The following ACIN1 variants were observed in gnomAD, a reference collection of about 807,000 sequenced individuals.
The protein encoded by ACIN1 is apoptotic chromatin condensation inducer 1.
ACIN1 carries 16 observed loss-of-function variants against 146.6 expected under a neutral mutation model. That is an observed-to-expected ratio of 0.11 (90% CI 0.07 to 0.17). The LOEUF (loss-of-function observed/expected upper bound fraction) is 0.17, where lower values mean the gene tolerates loss of function less well. Ranked by LOEUF, ACIN1 falls within the 10% of genes least tolerant of loss-of-function variation. The pLI is 1.00. For missense variants in ACIN1, 1,357 were observed against 1,609.3 expected, an observed-to-expected ratio of 0.84 and a Z score of 2.68; for synonymous variants, 569 against 582.7, an observed-to-expected ratio of 0.98 and a Z score of 0.34.
intron 8 of ACIN1, among the ~76,000 whole-genome samples, chr14:23,074,130 G>A (rs1353538475): frequency 6.6e-6 from 1 of 151,724 alleles, no homozygotes; most frequent in Admixed American, 6.6e-5. Context: ...GAGCCATCAT[G>A]CCCGGCCGAA....
chr14:23,070,553 C>T (rs1338955111), intron 8 of ACIN1, among the ~76,000 whole-genome samples: 1 of 152,036 alleles, frequency 6.6e-6, no homozygotes, highest in Non-Finnish European at 1.5e-5. Flanking sequence ...GCAAAGAATC[C>T]CAGAGATTCA....
At chr14:23,093,405 T>C (rs771672668) in intron 2 of ACIN1, 74 bp downstream of exon 2, 6 of 1,433,192 alleles carry the variant, frequency 4.2e-6, no homozygotes, top group Non-Finnish European at 5.9e-6. Context: ...AAGCATCAAA[T>C]ATACAACACC....
At chr14:23,094,941 C>G in intron 1 of ACIN1, 34 bp downstream of exon 1, 1 of 1,556,130 alleles carries the variant, frequency 6.4e-7, no homozygotes. Context: ...CGGGTCCGCT[C>G]TCCTCCGACA....
chr14:23,058,737 TCAG>T lies in ACIN1; in HGVS notation c.*408_*410del, dbSNP rs2047173412. The T allele has an allele frequency of 4.8e-6, 1 of 206,380 alleles. No homozygotes were observed. Among genetic ancestry groups the T allele is most frequent in the Admixed American group, 5.1e-5 (1 of 19,482 alleles). 12.8% of individuals were successfully genotyped at this position (206,380 alleles called of 1,614,324 possible). A position where few individuals can be genotyped will look rare whatever the true frequency, so the allele number is the denominator to read the frequency against. ...CTGGGAACTGCAGGGGCCCTGGGACTCAGGAGGAGATGCTGATTCAGCTCATAG... is the reference window on the plus strand; with the variant it reads ...CTGGGAACTGCAGGGGCCCTGGGACTGAGGAGATGCTGATTCAGCTCATAG... On this transcript the variant is annotated 3_prime_UTR_variant, in exon 19 of 19. Transcript: ENST00000605057.
Position 23,066,049 on chromosome 14 carries a change from G to T in ACIN1, c.2266-41C>A, listed in dbSNP as rs191257157. 8.2e-6 allele frequency: 13 copies of T among 1,578,596 alleles called. 1 individual carries two copies. Among genetic ancestry groups the T allele is most frequent in the Non-Finnish European group, 9.6e-6 (11 of 1,149,072 alleles). On this transcript the variant is annotated intron_variant, in intron 9 of 18. Coordinates refer to ENST00000605057, the MANE Select transcript of ACIN1 (RefSeq NM_001386863.1). ...AAAGGGGAAAAAAAAGAGAAAGAGAGACACCCCACAGAGAGGGGGGAAGGA... is the reference window on the plus strand; with the variant it reads ...AAAGGGGAAAAAAAAGAGAAAGAGATACACCCCACAGAGAGGGGGGAAGGA...
At chr14:23,061,970 T>TAAAAAAAA (rs1472552627) in intron 16 of ACIN1, among the ~76,000 whole-genome samples, 198 bp downstream of exon 16, 1 of 47,954 alleles carries the variant, frequency 2.1e-5, no homozygotes, top group African/African-American at 1.5e-4. Flanking sequence ...AGACTCTGTC[T>TAAAAAAAA]CAAAAAAAAA....
chr14:23,081,228 A>G (rs760001215), intron 5 of ACIN1, among the ~76,000 whole-genome samples: 5 of 151,270 alleles, frequency 3.3e-5, no homozygotes, highest in Non-Finnish European at 7.4e-5. Flanking sequence ...TCATAATTAC[A>G]CTACACATAA....
chr14:23,094,749 G>T, intron 1 of ACIN1: 1 of 729,070 alleles, frequency 1.4e-6, no homozygotes. Context: ...GGAGAGTAGT[G>T]CACACCCTCC....
At chr14:23,088,533 C>CT (rs2048144122) in intron 4 of ACIN1, among the ~76,000 whole-genome samples, 1 of 152,180 alleles carries the variant, frequency 6.6e-6, no homozygotes, top group African/African-American at 2.4e-5. Context: ...GAGTCTATCG[C>CT]TGCTCAGCCT....
intron 12 of ACIN1, 25 bp downstream of exon 12, chr14:23,064,080 T>C (rs905730261): frequency 3.1e-6 from 5 of 1,613,240 alleles, no homozygotes; most frequent in Non-Finnish European, 3.4e-6. Flanking sequence ...ACCTTTCCCC[T>C]GACACTGGGG....
chr14:23,079,419 C>A, intron 6 of ACIN1, 128 bp downstream of exon 6: 1 of 1,428,864 alleles, frequency 7.0e-7, no homozygotes, highest in Non-Finnish European at 9.4e-7. Flanking sequence ...AGAAAGTAAT[C>A]AGTGAAGGAG....
intron 8 of ACIN1, among the ~76,000 whole-genome samples, chr14:23,077,181 T>C (rs2047824408): frequency 6.6e-6 from 1 of 152,132 alleles, no homozygotes; most frequent in African/African-American, 2.4e-5. Context: ...CCCACTACCC[T>C]CCAAAAGTCA....
Position 23,090,726 on chromosome 14 carries a change from A to G in ACIN1, c.205-93T>C, listed in dbSNP as rs1461241960. ...CATGGAGCAAAGGTCCACTCCTTAT[A>G]GTTGCGCCCAAGAAAGATAACTAAA... On this transcript the variant is annotated intron_variant, in intron 2 of 18. Coordinates refer to ENST00000605057, the MANE Select transcript of ACIN1 (RefSeq NM_001386863.1). 4 of 895,218 alleles carry G rather than the reference A, an allele frequency of 4.5e-6. No homozygotes were observed. In the African/African-American group the frequency reaches 5.0e-5, roughly 11 times the overall value. The allele number at this position is 895,218 out of a possible 1,614,324, so 55.5% of individuals were successfully genotyped here. A position where few individuals can be genotyped will look rare whatever the true frequency, so the allele number is the denominator to read the frequency against.
Position 23,069,637 on chromosome 14 carries a change from GTGGT to G in ACIN1, c.2124-24_2124-21del. The G allele has an allele frequency of 3.5e-6, 5 of 1,446,152 alleles. No individual in the cohort carries two copies. The highest frequency in any genetic ancestry group is 4.8e-6 in the Non-Finnish European group (5 of 1,048,282). The allele number at this position is 1,446,152 out of a possible 1,614,324, so 89.6% of individuals were successfully genotyped here. On this transcript the variant is annotated intron_variant, in intron 8 of 18. Coordinates refer to ENST00000605057, the MANE Select transcript of ACIN1 (RefSeq NM_001386863.1). ...TCCTCACTGACAGGAGGGGGGAGTGGTGGTGGGGGGGCGGGCAGAAAAGAACCAA... is the reference window on the plus strand; with the variant it reads ...TCCTCACTGACAGGAGGGGGGAGTGGGGGGGGGCGGGCAGAAAAGAACCAA...
At chr14:23,083,144 G>C (rs2047994202) in intron 4 of ACIN1, among the ~76,000 whole-genome samples, 1 of 151,838 alleles carries the variant, frequency 6.6e-6, no homozygotes, top group African/African-American at 2.4e-5. Flanking sequence ...AAAACGGAAA[G>C]AAAGTTTCAC....
At chr14:23,086,161 C>A (rs2048085578) in intron 4 of ACIN1, among the ~76,000 whole-genome samples, 1 of 152,180 alleles carries the variant, frequency 6.6e-6, no homozygotes, top group Admixed American at 6.5e-5. Flanking sequence ...AATGCCAAAC[C>A]TAAATCTGAC....
Position 23,068,364 on chromosome 14 carries a change from T to C in ACIN1, c.2265+1112A>G. 2 of 985,966 alleles carry C rather than the reference T, an allele frequency of 2.0e-6. No individual in the cohort carries two copies. The highest frequency in any genetic ancestry group is 9.4e-5 in the South Asian group (2 of 21,292). The allele number at this position is 985,966 out of a possible 1,614,324, so 61.1% of individuals were successfully genotyped here. ...CCCCAGCACTGGCACAAGCTCTTCTTGGGGTGTCCCAAGTAGGGAGATGAT... is the reference window on the plus strand; with the variant it reads ...CCCCAGCACTGGCACAAGCTCTTCTCGGGGTGTCCCAAGTAGGGAGATGAT... On this transcript the variant is annotated intron_variant, in intron 9 of 18. Transcript: ENST00000605057. This position sits in a 1 kb window ranked among gnomAD's most constrained non-coding sequence, Gnocchi z 4.3.
intron 3 of ACIN1, 34 bp downstream of exon 3, chr14:23,090,488 G>T: frequency 6.3e-7 from 1 of 1,582,104 alleles, no homozygotes; most frequent in Non-Finnish European, 8.7e-7. Flanking sequence ...TAAGAATGAC[G>T]AACTCCTTGT....
At chr14:23,060,368 A>C (rs1178411969) in intron 18 of ACIN1, among the ~76,000 whole-genome samples, 1 of 152,164 alleles carries the variant, frequency 6.6e-6, no homozygotes, top group Admixed American at 6.5e-5. Context: ...AGATGTGAAC[A>C]AATCTCTTTT....
Sources: allele counts gnomAD v4.1 joint callset (sites outside exome capture counted in the v4.1 genomes callset), GRCh38; gene constraint gnomAD v4.1.1; non-coding constraint Gnocchi (gnomAD v3.1); transcripts MANE v1.5; gene names NCBI Gene and HGNC (gene_info 2026-07-23, HGNC 2026-07-21).